The following MMAA variants were observed in gnomAD, a reference collection of about 807,000 sequenced individuals.
The protein encoded by MMAA is metabolism of cobalamin associated A.
A neutral mutation model predicts 45.0 loss-of-function variants in MMAA; 41 were observed. The ratio of observed to expected loss-of-function variants is 0.91; its 90% CI spans 0.71 to 1.18. MMAA has a LOEUF of 1.18. Among genes scored for constraint, MMAA ranks in the 50% most tolerant of loss-of-function variants. The probability of loss-of-function intolerance (pLI) is 0.00; values close to 1 mark genes in which losing one functional copy is unlikely to be tolerated. For synonymous variants in MMAA, 154 were observed against 178.2 expected, an observed-to-expected ratio of 0.86 and a Z score of 1.08; for missense variants, 460 against 495.7, an observed-to-expected ratio of 0.93 and a Z score of 0.68.
At chr4:145,619,430 G>A (rs1206823992) in intron 1 of MMAA, 23 bp downstream of exon 1, 1 of 152,264 alleles carries the variant, frequency 6.6e-6, no homozygotes, top group East Asian at 1.9e-4. Context: ...AGTGCGCGCG[G>A]CGTCCAGGAG....
At chr4:145,647,694 C>G (rs1268553095) in intron 4 of MMAA, among the ~76,000 whole-genome samples, 1 of 152,166 alleles carries the variant, frequency 6.6e-6, no homozygotes, top group Non-Finnish European at 1.5e-5. Flanking sequence ...CTGTTCACTT[C>G]ACTCTCCTAG....
At chr4:145,652,655 G>T (rs916271479) in intron 5 of MMAA, among the ~76,000 whole-genome samples, 1 of 151,666 alleles carries the variant, frequency 6.6e-6, no homozygotes, top group Non-Finnish European at 1.5e-5. Flanking sequence ...GCTTGAACCC[G>T]GGAGGCAGAG....
intron 2 of MMAA, among the ~76,000 whole-genome samples, chr4:145,640,113 G>C (rs1271249454): frequency 6.6e-6 from 1 of 151,822 alleles, no homozygotes; most frequent in African/African-American, 2.4e-5. Context: ...TTTTATTTTT[G>C]TACTTTATTT....
rs547603058 is a variant in MMAA at position 145,652,306 on chromosome 4, G to T, written c.819+1159G>T. On this transcript the variant is annotated intron_variant, in intron 5 of 6. Transcript: ENST00000649156. ...CATGATTGACTGAATAATTGAAGTT[G>T]ATCTCTAGCCCCTGTCCCCTCCCTG... is the stretch of plus-strand genomic sequence containing the variant. 3.9e-5 allele frequency among the ~76,000 whole-genome samples: 6 copies of T among 152,244 alleles called. No homozygotes were observed. The South Asian group carries it at 1.2e-3, about 32-fold the overall frequency.
At chr4:145,623,534 GAAT>G (rs900220650) in intron 1 of MMAA, among the ~76,000 whole-genome samples, 6 of 152,128 alleles carry the variant, frequency 3.9e-5, no homozygotes, top group Admixed American at 1.3e-4. Flanking sequence ...TTCAAGTGAA[GAAT>G]AATAATGTAG....
chr4:145,646,212 G>T, intron 4 of MMAA, 56 bp downstream of exon 4: 2 of 1,596,758 alleles, frequency 1.3e-6, no homozygotes, highest in Non-Finnish European at 1.7e-6. Flanking sequence ...GCTATATAAA[G>T]ATGAGTGACA....
intron 2 of MMAA, 102 bp from the exon 3 acceptor site, chr4:145,642,261 A>C: frequency 1.5e-6 from 2 of 1,296,928 alleles, no homozygotes; most frequent in Non-Finnish European, 1.1e-6. Context: ...GTTTTAATAC[A>C]TTAGGGGAAA....
chr4:145,635,374 G>A (rs1727583998), intron 1 of MMAA, among the ~76,000 whole-genome samples: 1 of 152,180 alleles, frequency 6.6e-6, no homozygotes, highest in African/African-American at 2.4e-5. Context: ...TGAGTTCAGT[G>A]CCTCAGAATT....
At chr4:145,645,498 G>T (rs4835014) in intron 3 of MMAA, among the ~76,000 whole-genome samples, 4,865 of 152,320 alleles carry the variant, frequency 0.032, 103 homozygotes, top group Middle Eastern at 0.082. Context: ...ATTCAGGAAG[G>T]TAAAGTGACC....
chr4:145,625,771 C>G (rs1734191186), intron 1 of MMAA: 2 of 1,245,434 alleles, frequency 1.6e-6, no homozygotes, highest in South Asian at 2.4e-5. Flanking sequence ...AGCTGCTGAG[C>G]CTGCTGTTGA....
chr4:145,641,187 T>C (rs1440446721), intron 2 of MMAA, among the ~76,000 whole-genome samples: 1 of 152,176 alleles, frequency 6.6e-6, no homozygotes, highest in Admixed American at 6.5e-5. Flanking sequence ...ACAAAGATAA[T>C]AGCAAACTCC....
At chr4:145,648,743 G>A (rs917930016) in intron 4 of MMAA, among the ~76,000 whole-genome samples, 1 of 152,190 alleles carries the variant, frequency 6.6e-6, no homozygotes, top group Non-Finnish European at 1.5e-5. Context: ...CCAGCACTTT[G>A]GGAGGCCAAG....
At chr4:145,631,840 C>T (rs1727449287) in intron 1 of MMAA, among the ~76,000 whole-genome samples, 1 of 152,022 alleles carries the variant, frequency 6.6e-6, no homozygotes, top group Admixed American at 6.6e-5. Context: ...GACTTGCTAT[C>T]TTATCTTACT....
At chr4:145,628,449 A>G (rs992207963) in intron 1 of MMAA, among the ~76,000 whole-genome samples, 3 of 152,170 alleles carry the variant, frequency 2.0e-5, no homozygotes, top group Non-Finnish European at 4.4e-5. Flanking sequence ...ACCATCTTCT[A>G]TAGGTTGTCC....
intron 1 of MMAA, among the ~76,000 whole-genome samples, chr4:145,635,597 T>G (rs1224139518): frequency 6.6e-6 from 1 of 152,222 alleles, no homozygotes; most frequent in East Asian, 1.9e-4. Context: ...TGTCACTCTT[T>G]GTTTGAACAC....
chr4:145,652,279 G>T (rs1284930092), intron 5 of MMAA, among the ~76,000 whole-genome samples: 7 of 152,068 alleles, frequency 4.6e-5, no homozygotes, highest in African/African-American at 1.7e-4. Context: ...TCATTATGTA[G>T]GCATGATTGA....
At chr4:145,623,973 C>T (rs1470334147) in intron 1 of MMAA, among the ~76,000 whole-genome samples, 2 of 152,194 alleles carry the variant, frequency 1.3e-5, no homozygotes, top group Non-Finnish European at 2.9e-5. Context: ...CAATACACAA[C>T]ATTTTTCTTT....
chr4:145,624,303 T>G, intron 1 of MMAA: 1 of 793,004 alleles, frequency 1.3e-6, no homozygotes, highest in South Asian at 1.3e-5. Context: ...TAAGTAATAC[T>G]TCTAGGTCTT....
At chr4:145,655,025 C>T (rs1165650585) in intron 6 of MMAA, 122 bp from the exon 7 acceptor site, 7 of 1,018,370 alleles carry the variant, frequency 6.9e-6, no homozygotes, top group Non-Finnish European at 8.8e-6. Context: ...GCAATAAAAT[C>T]TCACTCTTGT....
Sources: gnomAD v4.1 joint callset for allele counts (sites outside exome capture counted in the v4.1 genomes callset) on GRCh38, gnomAD v4.1.1 for gene constraint, MANE v1.5 for transcripts, NCBI Gene and HGNC (gene_info 2026-07-23, HGNC 2026-07-21) for gene names.